Variants in CHAT observed in about 807,000 individuals in gnomAD.
CHAT encodes choline O-acetyltransferase, also known as acetyl CoA:choline O-acetyltransferase.
In CHAT, 61 loss-of-function variants were observed where a neutral mutation model predicts 76.9. That is an observed-to-expected ratio of 0.79 (90% CI 0.65 to 0.98). CHAT has a LOEUF of 0.98. Among genes scored for constraint, CHAT ranks in the 50% least tolerant of loss-of-function variants. CHAT has a pLI of 0.00. For missense variants in CHAT, 946 were observed against 986.9 expected, an observed-to-expected ratio of 0.96 and a Z score of 0.56; for synonymous variants, 407 against 397.4, an observed-to-expected ratio of 1.02 and a Z score of -0.29.
chr10:49,632,306 T>C (rs956737598), intron 7 of CHAT, among the ~76,000 whole-genome samples: 2 of 152,028 alleles, frequency 1.3e-5, no homozygotes, highest in Admixed American at 1.3e-4. Context: ...AGAGGACACA[T>C]GGCCTGGGGA....
chr10:49,652,778 C>A (rs951147022), intron 11 of CHAT, among the ~76,000 whole-genome samples: 3 of 152,016 alleles, frequency 2.0e-5, no homozygotes, highest in African/African-American at 4.8e-5. Flanking sequence ...CCCTCCCACA[C>A]CCCCAGCTCT....
upstream of CHAT, among the ~76,000 whole-genome samples, chr10:49,610,022 CG>C (rs1416108343): frequency 4.7e-5 from 7 of 149,874 alleles, no homozygotes; most frequent in African/African-American, 1.5e-4. Context: ...GAACCGCGGG[CG>C]GGGGGCAGGC....
chr10:49,655,021 G>A, intron 11 of CHAT, 74 bp from the exon 12 acceptor site: 1 of 1,525,252 alleles, frequency 6.6e-7, no homozygotes, highest in East Asian at 2.3e-5. Context: ...GCTTGCTGAG[G>A]CAATTTTTCT....
At chr10:49,631,228 G>T (rs994482594) in intron 7 of CHAT, among the ~76,000 whole-genome samples, 1 of 152,190 alleles carries the variant, frequency 6.6e-6, no homozygotes, top group Non-Finnish European at 1.5e-5. Flanking sequence ...AAGTACCACA[G>T]ACTGGGAGGC....
At chr10:49,653,151 AG>A (rs2132824091) in intron 11 of CHAT, among the ~76,000 whole-genome samples, 1 of 152,028 alleles carries the variant, frequency 6.6e-6, no homozygotes, top group Non-Finnish European at 1.5e-5. Flanking sequence ...TAGGTGCCAG[AG>A]ACTGAATCAC....
Position 49,619,935 on chromosome 10 carries a change from GA to G in CHAT, c.579+21del. On this transcript the variant is annotated intron_variant, in intron 3 of 14. Transcript: ENST00000337653. ...CAACTGGGTAAGAGGGGCAGACAAG[GA>G]ACCCATAGAAGAGGGGCGGGAGGCA... 1 of 1,604,412 alleles carries G rather than the reference GA, an allele frequency of 6.2e-7. No homozygotes were observed. Among genetic ancestry groups the G allele is most frequent in the East Asian group, 2.2e-5 (1 of 44,560 alleles).
chr10:49,662,632 C>G lies in CHAT; in HGVS notation c.1840-13C>G, dbSNP rs769649647. ...CACTTCTCATCTCCTGTTCTTTGTC[C>G]CCAACTACACAGGCCATAACAGGGA... On this transcript the variant is annotated splice_polypyrimidine_tract_variant and intron_variant, in intron 13 of 14. Coordinates refer to ENST00000337653, the MANE Select transcript of CHAT (RefSeq NM_020549.5). The G allele has an allele frequency of 1.9e-6, 3 of 1,613,976 alleles. No individual in the cohort carries two copies. The East Asian group carries it at 6.7e-5, about 36-fold the overall frequency.
intron 7 of CHAT, among the ~76,000 whole-genome samples, chr10:49,628,546 G>A (rs1220646694): frequency 6.6e-6 from 1 of 152,218 alleles, no homozygotes; most frequent in Non-Finnish European, 1.5e-5. Flanking sequence ...CAAAGGAGTT[G>A]AGGCCTCTAC....
chr10:49,651,127 G>A (rs1590614102), intron 10 of CHAT, among the ~76,000 whole-genome samples: 1 of 152,192 alleles, frequency 6.6e-6, no homozygotes, highest in East Asian at 1.9e-4. Context: ...CACAGCTTGG[G>A]GGAGAGATTT....
chr10:49,615,450 G>A (rs1479743779), intron 1 of CHAT, among the ~76,000 whole-genome samples: 2 of 152,142 alleles, frequency 1.3e-5, no homozygotes, highest in African/African-American at 4.8e-5. Context: ...CTCCATCCTT[G>A]GGCCTGGTTC....
intron 7 of CHAT, among the ~76,000 whole-genome samples, chr10:49,630,292 AAG>A (rs1839071932): frequency 6.6e-6 from 1 of 152,194 alleles, no homozygotes; most frequent in South Asian, 2.1e-4. Context: ...GGGATTGAGA[AAG>A]AGTAGCCCAT....
upstream of CHAT, chr10:49,610,346 G>A (rs534554201): frequency 2.6e-3 from 507 of 195,104 alleles, 3 homozygotes; most frequent in African/African-American, 0.011. Flanking sequence ...GCAGCGGCGG[G>A]GCTAACGGGC....
upstream of CHAT, chr10:49,612,576 G>A (rs937543504): frequency 2.3e-5 from 12 of 526,914 alleles, no homozygotes; most frequent in African/African-American, 1.5e-4. Flanking sequence ...TTGCGGAGGT[G>A]AAGAGGACCC....
chr10:49,609,495 G>A (rs776271293), upstream of CHAT, among the ~76,000 whole-genome samples: 137 of 152,180 alleles, frequency 9.0e-4, no homozygotes, highest in Non-Finnish European at 1.3e-3. Flanking sequence ...GCGGAGCTGG[G>A]GGACCAGACC....
In CHAT at chr10:49,646,587, C is replaced by T; in HGVS notation, c.1194C>T (p.Leu398=). ...TGGACGCGCCAGGAGGCGTGGAGCT[C>T]AGCGACACCCACAGGGCACTCCAGC... is the stretch of plus-strand genomic sequence containing the variant. ...VCLDAPGGVE[L]SDTHRALQLL... The change falls in exon 8 of 15, where the codon CTC becomes CTT. Residue 398 remains leucine (L), a synonymous_variant. Coordinates refer to ENST00000337653, the MANE Select transcript of CHAT (RefSeq NM_020549.5). 2 of 1,614,234 alleles carry T rather than the reference C, an allele frequency of 1.2e-6. No individual in the cohort carries two copies. The highest frequency in any genetic ancestry group is 1.6e-4 in the Middle Eastern group (1 of 6,062).
At chr10:49,664,640 T>A in intron 14 of CHAT, 137 bp from the exon 15 acceptor site, 1 of 1,118,152 alleles carries the variant, frequency 8.9e-7, no homozygotes. Flanking sequence ...TCTGGCTGTG[T>A]CCATCCATGC....
Position 49,665,163 on chromosome 10 carries a change from T to C in CHAT, c.*117T>C. ...CAGCTCCCTGTCCTCAGGGTCCAAC[T>C]CACAGACCATACAGAGACATCACAC... On this transcript the variant is annotated 3_prime_UTR_variant, in exon 15 of 15. Transcript: ENST00000337653. 9.1e-7 allele frequency: 1 copy of C among 1,098,338 alleles called. No homozygotes were observed. Among genetic ancestry groups the C allele is most frequent in the Non-Finnish European group, 1.4e-6 (1 of 724,934 alleles). 68.0% of individuals were successfully genotyped at this position (1,098,338 alleles called of 1,614,324 possible).
intron 13 of CHAT, among the ~76,000 whole-genome samples, chr10:49,658,701 T>C (rs1216983001): frequency 1.3e-5 from 2 of 152,132 alleles, no homozygotes; most frequent in African/African-American, 2.4e-5. Context: ...ACAGCAAGAC[T>C]CCTTCTCAAA....
upstream of CHAT, chr10:49,611,442 C>A (rs1312995082): frequency 4.4e-6 from 7 of 1,598,188 alleles, no homozygotes; most frequent in Non-Finnish European, 5.9e-6. Flanking sequence ...TCGGGGGCAT[C>A]CTCTATGAGT....
Sources: gnomAD v4.1 joint callset for allele counts (sites outside exome capture counted in the v4.1 genomes callset) on GRCh38, gnomAD v4.1.1 for gene constraint, MANE v1.5 for transcripts, NCBI Gene and HGNC (gene_info 2026-07-23, HGNC 2026-07-21) for gene names.